Variants in NPY1R observed in about 807,000 individuals in gnomAD.
NPY1R encodes neuropeptide Y receptor Y1, also known as neuropeptide Y receptor type 1.
Under a neutral mutation model 24.1 loss-of-function variants are expected in NPY1R, and 10 were observed. The ratio of observed to expected loss-of-function variants is 0.42; its 90% CI spans 0.26 to 0.71. The LOEUF is 0.71. NPY1R is among the 30% of genes least tolerant of loss of function. The pLI is 0.28. For synonymous variants in NPY1R, 168 were observed against 165.9 expected (o/e 1.01, Z -0.10); for missense variants, 350 against 458.0 (o/e 0.76, Z 2.15).
chr4:163,326,260 C>A lies in NPY1R; in HGVS notation c.295G>T (p.Val99Phe). 6.2e-7 allele frequency: 1 copy of A among 1,614,060 alleles called. No individual in the cohort carries two copies. Among genetic ancestry groups the A allele is most frequent in the Non-Finnish European group, 8.5e-7 (1 of 1,179,972 alleles). ...VAIMCLPFTF[V>F]YTLMDHWVFG... Reference sequence around the variant, plus strand: ...ACCCAGTGGTCCATTAATGTGTAGACAAATGTAAAGGGGAGACACATGATG... The same window carrying A: ...ACCCAGTGGTCCATTAATGTGTAGAAAAATGTAAAGGGGAGACACATGATG... Residue 99 changes from valine to phenylalanine, a missense_variant, in exon 2 of 3, where the codon GTC (valine) becomes TTC (phenylalanine). Physicochemically the swap from Val to Phe is conservative, Grantham distance 50. Transcript: ENST00000296533.
upstream of NPY1R, among the ~76,000 whole-genome samples, chr4:163,336,371 C>A (rs1018389820): frequency 3.3e-5 from 5 of 152,224 alleles, no homozygotes; most frequent in Non-Finnish European, 7.4e-5. Flanking sequence ...ATGAAAGGAG[C>A]TTTGCCACTG....
At chr4:163,332,880 T>C (rs532918517), upstream of NPY1R, 5 of 152,318 alleles carry the variant, frequency 3.3e-5, no homozygotes, top group African/African-American at 1.2e-4. Flanking sequence ...CTTGAAAAAG[T>C]CGGTGCCACT....
chr4:163,330,685 A>G lies in NPY1R; in HGVS notation c.-152+1797T>C, dbSNP rs1052274548. ...GCTGCCATGTGCATATAGAGACAAA[A>G]CAGACATTACATACATCACCAGTTG... On this transcript the variant is annotated intron_variant, in intron 1 of 2. Transcript: ENST00000296533. The G allele has an allele frequency of 2.6e-5, 4 of 152,252 alleles. No individual in the cohort carries two copies. The South Asian group carries it at 6.2e-4, about 24-fold the overall frequency. 9.4% of individuals were successfully genotyped at this position (152,252 alleles called of 1,614,324 possible).
At chr4:163,334,689 G>A (rs572495784), upstream of NPY1R, among the ~76,000 whole-genome samples, 44 of 151,912 alleles carry the variant, frequency 2.9e-4, no homozygotes, top group African/African-American at 8.7e-4. Context: ...GTGAAACCCC[G>A]TCTCTACTAA....
At chr4:163,342,835 G>T (rs1735025377) in intron 1 of NPY1R, among the ~76,000 whole-genome samples, 1 of 152,130 alleles carries the variant, frequency 6.6e-6, no homozygotes, top group Non-Finnish European at 1.5e-5. Flanking sequence ...AGCAGGAGAT[G>T]CTGTCTGTTA....
upstream of NPY1R, among the ~76,000 whole-genome samples, chr4:163,333,239 T>G (rs1049753680): frequency 6.6e-6 from 1 of 151,654 alleles, no homozygotes; most frequent in Non-Finnish European, 1.5e-5. Flanking sequence ...GGGAGAACCA[T>G]GAGCTGAATA....
chr4:163,340,442 G>C (rs1344366216), intron 1 of NPY1R, among the ~76,000 whole-genome samples: 1 of 151,906 alleles, frequency 6.6e-6, no homozygotes, highest in Non-Finnish European at 1.5e-5. Context: ...CTGCAGAGAA[G>C]AGAATGTGCC....
At position 163,326,150 on chromosome 4, in the gene NPY1R, A is replaced by G. The variant is rs1262872013; in HGVS notation, c.405T>C (p.Ala135=). Residue 135 remains alanine, a synonymous_variant, in exon 2 of 3, where the codon GCT becomes GCC. Transcript: ENST00000296533. The part of the protein sequence containing the change: ...TVSIFSLVLI[A]VERHQLIINP... Reference sequence around the variant, plus strand: ...TGATTATCAGCTGATGTCGTTCCACAGCAATGAGAACCAGAGAGAAAATGG... The same window carrying G: ...TGATTATCAGCTGATGTCGTTCCACGGCAATGAGAACCAGAGAGAAAATGG... 6.2e-7 allele frequency: 1 copy of G among 1,614,048 alleles called. No individual in the cohort carries two copies. The highest frequency in any genetic ancestry group is 1.3e-5 in the African/African-American group (1 of 74,942).
chr4:163,326,690 C>A lies in NPY1R; in HGVS notation c.-136G>T, dbSNP rs1734617795. 1 of 602,830 alleles carries A rather than the reference C, an allele frequency of 1.7e-6. No homozygotes were observed. The highest frequency in any genetic ancestry group is 1.9e-5 in the African/African-American group (1 of 53,708). The allele number at this position is 602,830 out of a possible 1,614,324, so 37.3% of individuals were successfully genotyped here. ...CAAAATTATTCTGAATTCTTCATTC[C>A]CTTGAACTGAACAATCTGTAAAGAG... On this transcript the variant is annotated 5_prime_UTR_variant, in exon 2 of 3. Transcript: ENST00000296533.
At chr4:163,338,335 C>T (rs547886134) in intron 1 of NPY1R, among the ~76,000 whole-genome samples, 1 of 152,236 alleles carries the variant, frequency 6.6e-6, no homozygotes, top group East Asian at 1.9e-4. Context: ...CATTTAGAGC[C>T]TACCTTCTTA....
rs945627658 is a variant in NPY1R at position 163,325,201 on chromosome 4, G to T, written c.*102C>A. ...AAGAAAATCTTAGTCATTTTCAAAT[G>T]ATTTCAACCCCATTCCTTGGGAGAA... On this transcript the variant is annotated 3_prime_UTR_variant, in exon 3 of 3. Coordinates refer to ENST00000296533, the MANE Select transcript of NPY1R (RefSeq NM_000909.6). The T allele has an allele frequency of 2.3e-5, 19 of 815,480 alleles. No individual in the cohort carries two copies. In the African/African-American group the frequency reaches 2.9e-4, roughly 13 times the overall value. The allele number at this position is 815,480 out of a possible 1,614,324, so 50.5% of individuals were successfully genotyped here.
At position 163,326,593 on chromosome 4, in the gene NPY1R, T is replaced by C; in HGVS notation, c.-39A>G. 1.6e-6 allele frequency: 2 copies of C among 1,273,990 alleles called. No homozygotes were observed. The highest frequency in any genetic ancestry group is 2.2e-6 in the Non-Finnish European group (2 of 901,592). 78.9% of individuals were successfully genotyped at this position (1,273,990 alleles called of 1,614,324 possible). A position where few individuals can be genotyped will look rare whatever the true frequency, so the allele number is the denominator to read the frequency against. On this transcript the variant is annotated 5_prime_UTR_variant, in exon 2 of 3. Coordinates refer to ENST00000296533, the MANE Select transcript of NPY1R (RefSeq NM_000909.6). The stretch of plus-strand genomic sequence containing the variant: ...GTTGTTATAGATTATTTTAGACAAA[T>C]GGACAGTATGTTTCTTCAAAGCAGG...
In NPY1R at chr4:163,326,440, T is replaced by C. The variant is rs550019483; in HGVS notation, c.115A>G (p.Met39Val). The C allele has an allele frequency of 2.5e-6, 4 of 1,614,036 alleles. No individual in the cohort carries two copies. In the South Asian group the frequency reaches 3.3e-5, roughly 13 times the overall value. Residue 39 changes from methionine (M) to valine (V), a missense_variant, in exon 2 of 3, where the codon ATG (methionine) becomes GTG (valine). By Grantham distance (21) the Met-to-Val change is conservative. Transcript: ENST00000296533. ...ENDDCHLPLA[M>V]IFTLALAYGA... is the part of the protein sequence containing the mutation. ...TAAGCAAGAGCTAAGGTAAATATCA[T>C]GGCCAAGGGCAGATGACAATCATCA...
At chr4:163,341,888 G>C (rs1022568007) in intron 1 of NPY1R, among the ~76,000 whole-genome samples, 6 of 152,116 alleles carry the variant, frequency 3.9e-5, no homozygotes, top group Non-Finnish European at 8.8e-5. Flanking sequence ...GAAATTTAAA[G>C]GTAAAAACAC....
chr4:163,330,417 C>T (rs1409500345), intron 1 of NPY1R, among the ~76,000 whole-genome samples: 1 of 152,166 alleles, frequency 6.6e-6, no homozygotes, highest in Non-Finnish European at 1.5e-5. Flanking sequence ...ACTAAGTGCA[C>T]ATTTGATAGT....
upstream of NPY1R, among the ~76,000 whole-genome samples, chr4:163,337,908 C>A (rs751695327): frequency 6.6e-6 from 1 of 152,186 alleles, no homozygotes; most frequent in South Asian, 2.1e-4. Context: ...ATATGACCCA[C>A]CTGAAACTGT....
At chr4:163,336,606 C>T (rs1018418707), upstream of NPY1R, among the ~76,000 whole-genome samples, 1 of 152,092 alleles carries the variant, frequency 6.6e-6, no homozygotes, top group African/African-American at 2.4e-5. Flanking sequence ...TTCAGATGGC[C>T]AATGTCAATA....
At chr4:163,328,247 T>C (rs1461408840) in intron 1 of NPY1R, among the ~76,000 whole-genome samples, 3 of 152,340 alleles carry the variant, frequency 2.0e-5, no homozygotes, top group East Asian at 3.9e-4. Flanking sequence ...TCTTCCTCTA[T>C]GCATCAACCT....
chr4:163,339,175 C>A (rs1734917461), intron 1 of NPY1R, among the ~76,000 whole-genome samples: 1 of 152,152 alleles, frequency 6.6e-6, no homozygotes, highest in South Asian at 2.1e-4. Context: ...CTATACACTG[C>A]AGTCATACGA....
Sources: gnomAD v4.1 joint callset for allele counts (sites outside exome capture counted in the v4.1 genomes callset) on GRCh38, gnomAD v4.1.1 for gene constraint, MANE v1.5 for transcripts, NCBI Gene and HGNC (gene_info 2026-07-23, HGNC 2026-07-21) for gene names.